RHOJ: variants seen among roughly 807,000 people sequenced by gnomAD.
The protein encoded by RHOJ is rho-related GTP-binding protein RhoJ.
Under a neutral mutation model 23.4 loss-of-function variants are expected in RHOJ, and 11 were observed. The ratio of observed to expected loss-of-function variants is 0.47; its 90% CI spans 0.30 to 0.78. RHOJ has a LOEUF of 0.78. Among genes scored for constraint, RHOJ ranks in the 30% least tolerant of loss-of-function variants. The pLI, the probability that RHOJ is intolerant of heterozygous loss-of-function variation, is 0.08. For missense variants in RHOJ, 254 were observed against 273.4 expected (o/e 0.93, Z 0.50); for synonymous variants, 102 against 102.7 (o/e 0.99, Z 0.04).
At chr14:63,257,782 C>T (rs1265849466) in intron 1 of RHOJ, among the ~76,000 whole-genome samples, 1 of 149,400 alleles carries the variant, frequency 6.7e-6, no homozygotes, top group African/African-American at 2.5e-5. Flanking sequence ...CACCCCTCCC[C>T]AGCCTTTCTC....
intron 1 of RHOJ, among the ~76,000 whole-genome samples, chr14:63,220,963 T>A (rs1459592268): frequency 6.6e-6 from 1 of 152,146 alleles, no homozygotes; most frequent in East Asian, 1.9e-4. Context: ...GTTTGGTCTC[T>A]TGAGGCAGTA....
At chr14:63,230,287 G>C (rs1485855564) in intron 1 of RHOJ, among the ~76,000 whole-genome samples, 2 of 152,116 alleles carry the variant, frequency 1.3e-5, no homozygotes, top group Non-Finnish European at 2.9e-5. Flanking sequence ...GAGTCCTACT[G>C]AAAACAGAAA....
chr14:63,283,279 G>A (rs1394698489), intron 4 of RHOJ, 63 bp downstream of exon 4: 1 of 1,342,288 alleles, frequency 7.4e-7, no homozygotes, highest in Non-Finnish European at 1.1e-6. Flanking sequence ...TGTATGCTTT[G>A]GAAATGGGTG....
chr14:63,242,501 T>G (rs1389974555), intron 1 of RHOJ, among the ~76,000 whole-genome samples: 3 of 152,096 alleles, frequency 2.0e-5, no homozygotes, highest in African/African-American at 7.2e-5. Context: ...CCCAGGAGTT[T>G]GAGACTGAGT....
At chr14:63,222,812 A>G (rs1269127092) in intron 1 of RHOJ, among the ~76,000 whole-genome samples, 1 of 152,212 alleles carries the variant, frequency 6.6e-6, no homozygotes, top group East Asian at 1.9e-4. Context: ...TTTGCTGTGC[A>G]GAAGCTCTTT....
At chr14:63,244,248 A>T (rs887309687) in intron 1 of RHOJ, among the ~76,000 whole-genome samples, 1 of 152,060 alleles carries the variant, frequency 6.6e-6, no homozygotes, top group Non-Finnish European at 1.5e-5. Flanking sequence ...TTGTTTGTGA[A>T]GCTATTGAGA....
At chr14:63,212,948 C>A (rs751879002) in intron 1 of RHOJ, among the ~76,000 whole-genome samples, 1 of 152,180 alleles carries the variant, frequency 6.6e-6, no homozygotes, top group Non-Finnish European at 1.5e-5. Context: ...CACAGTATAA[C>A]ACAGATCATC....
intron 1 of RHOJ, among the ~76,000 whole-genome samples, chr14:63,232,836 A>G (rs907193285): frequency 1.7e-4 from 26 of 151,670 alleles, no homozygotes; most frequent in Admixed American, 7.2e-4. Context: ...AGCTGGGACC[A>G]TAGGCATGCA....
intron 1 of RHOJ, 109 bp from the exon 2 acceptor site, chr14:63,269,001 C>A: frequency 2.7e-6 from 2 of 749,166 alleles, no homozygotes; most frequent in Non-Finnish European, 4.6e-6. Context: ...GAGGCATATG[C>A]TTCTTCTTGC....
intron 2 of RHOJ, among the ~76,000 whole-genome samples, chr14:63,278,192 C>A (rs1997915): frequency 0.088 from 13,416 of 152,068 alleles, 756 homozygotes; most frequent in East Asian, 0.19. Context: ...CATCATTGCC[C>A]TCTTGCTTTG....
chr14:63,290,740 A>T, intron 4 of RHOJ, 138 bp from the exon 5 acceptor site: 1 of 635,996 alleles, frequency 1.6e-6, no homozygotes, highest in Non-Finnish European at 2.4e-6. Flanking sequence ...AAAAAAAAAA[A>T]GACAAACATA....
intron 1 of RHOJ, among the ~76,000 whole-genome samples, chr14:63,227,164 C>T (rs1288193683): frequency 1.3e-5 from 2 of 152,138 alleles, no homozygotes. Context: ...GTTGGCCAGG[C>T]TGGTCTCGAA....
At chr14:63,253,147 C>T (rs982669481) in intron 1 of RHOJ, among the ~76,000 whole-genome samples, 3 of 152,196 alleles carry the variant, frequency 2.0e-5, no homozygotes, top group Non-Finnish European at 4.4e-5. Context: ...TGCAAGGGGT[C>T]ATTCAATAGA....
At chr14:63,220,014 ATTTTAATGGTATATAT>A in intron 1 of RHOJ, among the ~76,000 whole-genome samples, 1 of 152,196 alleles carries the variant, frequency 6.6e-6, no homozygotes, top group South Asian at 2.1e-4. Context: ...CACTTAAAAT[ATTTTAATGGTATATAT>A]GAGAATCATA....
At chr14:63,248,739 G>A (rs1346715242) in intron 1 of RHOJ, among the ~76,000 whole-genome samples, 1 of 152,182 alleles carries the variant, frequency 6.6e-6, no homozygotes, top group African/African-American at 2.4e-5. Flanking sequence ...CAAGTTACAG[G>A]GTTAGTCCTA....
At chr14:63,205,100 G>C in intron 1 of RHOJ, 53 bp downstream of exon 1, 1 of 1,568,306 alleles carries the variant, frequency 6.4e-7, no homozygotes, top group Non-Finnish European at 8.7e-7. Flanking sequence ...CAGGGGGCGA[G>C]ACCCTAAGTT....
chr14:63,255,364 C>G (rs912295993), intron 1 of RHOJ, among the ~76,000 whole-genome samples: 1 of 152,182 alleles, frequency 6.6e-6, no homozygotes, highest in African/African-American at 2.4e-5. Flanking sequence ...TCCCTTTATA[C>G]GTAACTGTCA....
At chr14:63,289,277 C>T (rs1480690745) in intron 4 of RHOJ, among the ~76,000 whole-genome samples, 1 of 152,184 alleles carries the variant, frequency 6.6e-6, no homozygotes, top group African/African-American at 2.4e-5. Context: ...CCAACATTAC[C>T]ACTTGGAAGC....
chr14:63,274,305 G>A (rs1012896856), intron 2 of RHOJ, among the ~76,000 whole-genome samples: 2 of 152,280 alleles, frequency 1.3e-5, no homozygotes, highest in African/African-American at 2.4e-5. Context: ...TCTTGCTCAC[G>A]TGTATCTTCA....
Sources: allele counts gnomAD v4.1 joint callset (sites outside exome capture counted in the v4.1 genomes callset), GRCh38; gene constraint gnomAD v4.1.1; transcripts MANE v1.5; gene names NCBI Gene and HGNC (gene_info 2026-07-23, HGNC 2026-07-21).